Variants in SLC6A15 observed in about 807,000 individuals in gnomAD.
SLC6A15 encodes sodium-dependent neutral amino acid transporter B(0)AT2.
In SLC6A15, 33 loss-of-function variants were observed where a neutral mutation model predicts 68.5. The observed-to-expected ratio is 0.48, with a 90% confidence interval of 0.37 to 0.64. The LOEUF is 0.64. Among genes scored for constraint, SLC6A15 ranks in the 30% least tolerant of loss-of-function variants. The probability of loss-of-function intolerance (pLI) is 0.00; values close to 1 mark genes in which losing one functional copy is unlikely to be tolerated. For synonymous variants in SLC6A15, 347 were observed against 301.0 expected (o/e 1.15, Z -1.58); for missense variants, 747 against 874.3 (o/e 0.85, Z 1.84).
At chr12:84,904,246 A>AGAGAGAGAGAGAGG (rs1305212339) in intron 1 of SLC6A15, among the ~76,000 whole-genome samples, 1 of 151,428 alleles carries the variant, frequency 6.6e-6, no homozygotes, top group African/African-American at 2.4e-5. Context: ...AGAGAGAGAG[A>AGAGAGAGAGAGAGG]GAGAAATAGT....
chr12:84,890,030 T>C (rs577758968), intron 2 of SLC6A15, among the ~76,000 whole-genome samples: 1 of 152,286 alleles, frequency 6.6e-6, no homozygotes, highest in Non-Finnish European at 1.5e-5. Flanking sequence ...GACTATCTTC[T>C]GGTTGTTTAG....
At chr12:84,901,672 G>A (rs552162415) in intron 1 of SLC6A15, among the ~76,000 whole-genome samples, 1 of 151,548 alleles carries the variant, frequency 6.6e-6, no homozygotes, top group Non-Finnish European at 1.5e-5. Flanking sequence ...GAAGTAGCAG[G>A]TAGGTGTCTG....
intron 5 of SLC6A15, chr12:84,881,137 C>T (rs1315245005): frequency 6.5e-6 from 1 of 154,486 alleles, no homozygotes; most frequent in Non-Finnish European, 1.4e-5. Flanking sequence ...GAGTTAAAAG[C>T]AAGCTTGGGG....
chr12:84,894,314 T>A (rs1020733041), intron 1 of SLC6A15, among the ~76,000 whole-genome samples: 7 of 152,180 alleles, frequency 4.6e-5, no homozygotes, highest in African/African-American at 1.7e-4. Flanking sequence ...TGTGTTGGCA[T>A]AGTAGCAAGT....
intron 1 of SLC6A15, among the ~76,000 whole-genome samples, chr12:84,906,547 A>G (rs12298904): frequency 6.6e-6 from 1 of 152,198 alleles, no homozygotes; most frequent in Non-Finnish European, 1.5e-5. Flanking sequence ...ATATAGCTAC[A>G]GTAATGAAGT....
At chr12:84,872,539 G>A (rs1871330425) in intron 8 of SLC6A15, 63 bp downstream of exon 8, 2 of 1,403,480 alleles carry the variant, frequency 1.4e-6, no homozygotes, top group Admixed American at 2.0e-5. Flanking sequence ...AAGGGAGTCT[G>A]CTGGATAATG....
rs1441278097 is a variant in SLC6A15 at position 84,861,219 on chromosome 12, A to G, written c.*413T>C. 6.3e-6 allele frequency: 1 copy of G among 157,652 alleles called. No homozygotes were observed. The highest frequency in any genetic ancestry group is 2.4e-5 in the African/African-American group (1 of 41,558). 9.8% of individuals were successfully genotyped at this position (157,652 alleles called of 1,614,324 possible). ...GTGCTGAGAGGCACCCACTTACAGA[A>G]CTGCTCATTGTGACACTGGAAGTTA... On this transcript the variant is annotated 3_prime_UTR_variant, in exon 12 of 12. Coordinates refer to ENST00000266682, the MANE Select transcript of SLC6A15 (RefSeq NM_182767.6).
intron 5 of SLC6A15, 46 bp from the exon 6 acceptor site, chr12:84,876,653 T>C (rs760023448): frequency 1.1e-6 from 1 of 871,822 alleles, no homozygotes; most frequent in South Asian, 1.8e-5. Context: ...AATGACCATT[T>C]TTTTATAGAT....
chr12:84,908,634 A>G (rs1014625268), intron 1 of SLC6A15, among the ~76,000 whole-genome samples: 3 of 148,040 alleles, frequency 2.0e-5, no homozygotes, highest in Non-Finnish European at 4.5e-5. Flanking sequence ...ATATCTTCCT[A>G]CCCTTTCTCC....
At chr12:84,872,927 T>C in intron 7 of SLC6A15, 133 bp from the exon 8 acceptor site, 2 of 1,198,134 alleles carry the variant, frequency 1.7e-6, no homozygotes, top group Non-Finnish European at 1.1e-6. Context: ...TTTGAGGTGA[T>C]GACTATCCCA....
chr12:84,888,976 A>C (rs1010756133), intron 2 of SLC6A15, among the ~76,000 whole-genome samples: 10 of 152,158 alleles, frequency 6.6e-5, no homozygotes, highest in African/African-American at 9.7e-5. Context: ...AGCAAGCCAC[A>C]AAACCTAGAA....
intron 10 of SLC6A15, 55 bp from the exon 11 acceptor site, chr12:84,863,656 A>T (rs1485581496): frequency 1.7e-5 from 21 of 1,271,352 alleles, no homozygotes; most frequent in Non-Finnish European, 2.2e-5. Context: ...CTAAACCTTA[A>T]AAAATGTGCA....
intron 1 of SLC6A15, among the ~76,000 whole-genome samples, chr12:84,909,686 T>C (rs1245220986): frequency 6.6e-6 from 1 of 152,190 alleles, no homozygotes; most frequent in Non-Finnish European, 1.5e-5. Context: ...ATCATGCATA[T>C]GTATGTAGTA....
chr12:84,872,933 T>C, intron 7 of SLC6A15, 139 bp from the exon 8 acceptor site: 2 of 1,206,678 alleles, frequency 1.7e-6, no homozygotes, highest in Non-Finnish European at 2.3e-6. Context: ...GTGATGACTA[T>C]CCCATTTACC....
In SLC6A15 at chr12:84,885,903, A is replaced by G. The variant is rs762809697; in HGVS notation, c.447+8T>C. On this transcript the variant is annotated splice_region_variant and intron_variant, in intron 3 of 11. Coordinates refer to ENST00000266682, the MANE Select transcript of SLC6A15 (RefSeq NM_182767.6). ...GATTACAGCATACACCAACAAAAGG[A>G]AACTTACTACACAACTTGCAAATCC... The G allele has an allele frequency of 4.4e-6, 7 of 1,598,326 alleles. No homozygotes were observed. Among genetic ancestry groups the G allele is most frequent in the Middle Eastern group, 1.7e-4 (1 of 5,926 alleles).
At chr12:84,900,787 C>T (rs1872826240) in intron 1 of SLC6A15, among the ~76,000 whole-genome samples, 1 of 151,218 alleles carries the variant, frequency 6.6e-6, no homozygotes, top group African/African-American at 2.4e-5. Context: ...TGAAATAAAC[C>T]TCACTTGGTC....
In SLC6A15 at chr12:84,873,252, C is replaced by T; in HGVS notation, c.944G>A (p.Gly315Asp). ...QVFFALGLGF[G>D]GVIAFSSYNK... is the part of the protein sequence containing the mutation. ...GTAGCTTGAAAAGGCAATGACACCACCAAATCCCAGACCTAAGGCAAAGAA... is the reference window on the plus strand; with the variant it reads ...GTAGCTTGAAAAGGCAATGACACCATCAAATCCCAGACCTAAGGCAAAGAA... Residue 315 changes from glycine (G) to aspartate (D), a missense_variant, in exon 7 of 12, where the codon GGT becomes GAT. Transcript: ENST00000266682. 1 of 1,614,082 alleles carries T rather than the reference C, an allele frequency of 6.2e-7. No homozygotes were observed. Among genetic ancestry groups the T allele is most frequent in the South Asian group, 1.1e-5 (1 of 91,078 alleles).
intron 1 of SLC6A15, among the ~76,000 whole-genome samples, chr12:84,903,375 A>T (rs1215700349): frequency 6.6e-6 from 1 of 152,146 alleles, no homozygotes; most frequent in African/African-American, 2.4e-5. Flanking sequence ...GTACCCTAAA[A>T]CTTAAAGTAT....
intron 1 of SLC6A15, among the ~76,000 whole-genome samples, chr12:84,910,042 C>T (rs375773327): frequency 6.6e-6 from 1 of 152,104 alleles, no homozygotes; most frequent in African/African-American, 2.4e-5. Context: ...TGATTATTGG[C>T]ATCTCTCATA....
Sources: allele counts gnomAD v4.1 joint callset (sites outside exome capture counted in the v4.1 genomes callset), GRCh38; gene constraint gnomAD v4.1.1; transcripts MANE v1.5; gene names NCBI Gene and HGNC (gene_info 2026-07-23, HGNC 2026-07-21).